The following RGS6 variants were observed in gnomAD, a reference collection of about 807,000 sequenced individuals.
RGS6 encodes the protein regulator of G-protein signaling 6.
In RGS6, 30 loss-of-function variants were observed where a neutral mutation model predicts 78.5. The observed-to-expected ratio is 0.38, with a 90% CI of 0.29 to 0.52. The LOEUF (loss-of-function observed/expected upper bound fraction) is 0.52, where lower values mean the gene tolerates loss of function less well. RGS6 is among the 20% of genes least tolerant of loss of function. The pLI, the probability that RGS6 is intolerant of heterozygous loss-of-function variation, is 0.85. For missense variants in RGS6, 495 were observed against 609.7 expected (o/e 0.81, Z 1.98); for synonymous variants, 206 against 206.0 (o/e 1.00, Z 0.00).
At chr14:72,598,689 C>T in the RGS6 span, among the ~76,000 whole-genome samples, 3 of 152,232 alleles carry the variant, frequency 2.0e-5, no homozygotes, top group African/African-American at 7.2e-5. Flanking sequence ...GAGCTTACAC[C>T]TCCCCAAAGC....
At chr14:72,544,246 G>C (rs2097363320) in intron 17 of RGS6, among the ~76,000 whole-genome samples, 1 of 152,210 alleles carries the variant, frequency 6.6e-6, no homozygotes, top group African/African-American at 2.4e-5. Context: ...GCTCCAATCT[G>C]GGGAGGAGAA....
intron 2 of RGS6, among the ~76,000 whole-genome samples, chr14:72,221,972 C>T (rs949706481): frequency 2.0e-5 from 3 of 152,128 alleles, no homozygotes; most frequent in Non-Finnish European, 2.9e-5. Flanking sequence ...CCACTTCATC[C>T]CTATTGTGAA....
Position 72,217,567 on chromosome 14 carries a change from A to G in RGS6, c.85-134528A>G, listed in dbSNP as rs1030668785. Among the ~76,000 whole-genome samples, 25 of 152,330 alleles carry G rather than the reference A, an allele frequency of 1.6e-4. No individual in the cohort carries two copies. The East Asian group carries it at 4.4e-3, about 27-fold the overall frequency. ...TTTTTTTCTAATTTAAAAAAAAGTA[A>G]CACAATATGGGCTCATTGTAACCAG... On this transcript the variant is annotated intron_variant, in intron 2 of 17. Transcript: ENST00000553525.
intron 2 of RGS6, among the ~76,000 whole-genome samples, chr14:72,261,772 T>C (rs904581267): frequency 2.0e-5 from 3 of 152,194 alleles, no homozygotes; most frequent in Non-Finnish European, 2.9e-5. Flanking sequence ...AAAATTGAAG[T>C]CTTGTAGCCA....
At chr14:72,550,215 CTT>C (rs992995605) in intron 17 of RGS6, among the ~76,000 whole-genome samples, 4 of 152,172 alleles carry the variant, frequency 2.6e-5, no homozygotes, top group Admixed American at 2.6e-4. Context: ...TAATAAGACA[CTT>C]TTTACAGCTA....
chr14:72,527,369 A>C (rs2097131868), intron 15 of RGS6, among the ~76,000 whole-genome samples: 1 of 152,228 alleles, frequency 6.6e-6, no homozygotes, highest in Non-Finnish European at 1.5e-5. Context: ...GCAGCACTTC[A>C]ATGTGAGAAG....
chr14:72,234,692 C>T (rs1427609466), intron 2 of RGS6, among the ~76,000 whole-genome samples: 1 of 152,006 alleles, frequency 6.6e-6, no homozygotes, highest in Non-Finnish European at 1.5e-5. Flanking sequence ...CTCTCAGTCT[C>T]TGCTTGCAGT....
chr14:71,923,383 T>C, the RGS6 span, among the ~76,000 whole-genome samples: 3 of 152,016 alleles, frequency 2.0e-5, no homozygotes. Flanking sequence ...GTAGGGCATG[T>C]CAGAAGTATG....
chr14:72,465,051 G>A (rs2095866652), intron 6 of RGS6, among the ~76,000 whole-genome samples: 1 of 152,182 alleles, frequency 6.6e-6, no homozygotes, highest in South Asian at 2.1e-4. Flanking sequence ...GTAAGAGGTT[G>A]CCAGATAGAG....
At chr14:71,971,181 A>T (rs758236) in intron 2 of RGS6, among the ~76,000 whole-genome samples, 138,509 of 152,220 alleles carry the variant, frequency 0.91, 63,059 homozygotes, top group East Asian at 0.99. Flanking sequence ...TCCACACCCA[A>T]GTTCAACTCC....
intron 15 of RGS6, among the ~76,000 whole-genome samples, chr14:72,523,126 C>A (rs1290098444): frequency 6.6e-6 from 1 of 152,172 alleles, no homozygotes; most frequent in Non-Finnish European, 1.5e-5. Flanking sequence ...AGGTTAAAAT[C>A]CTCAGCAGCC....
intron 2 of RGS6, among the ~76,000 whole-genome samples, chr14:72,331,577 C>A (rs190472414): frequency 2.8e-4 from 42 of 152,290 alleles, no homozygotes; most frequent in Non-Finnish European, 4.7e-4. Context: ...CCTTTGAGAC[C>A]GCAGTTCCAT....
At chr14:72,338,646 G>A (rs566161827) in intron 2 of RGS6, among the ~76,000 whole-genome samples, 1 of 152,334 alleles carries the variant, frequency 6.6e-6, no homozygotes, top group East Asian at 1.9e-4. Context: ...CCTTTTAAGA[G>A]TATCATATAG....
intron 2 of RGS6, among the ~76,000 whole-genome samples, chr14:72,023,878 CAG>C (rs888539359): frequency 4.6e-5 from 7 of 152,136 alleles, no homozygotes; most frequent in African/African-American, 1.4e-4. Flanking sequence ...GGGGATTTCA[CAG>C]AGAGAGGGAG....
chr14:72,135,669 G>A (rs902774605), intron 2 of RGS6, among the ~76,000 whole-genome samples: 4 of 151,318 alleles, frequency 2.6e-5, no homozygotes, highest in African/African-American at 9.7e-5. Context: ...TAACATTTTT[G>A]TGGGGGTGGG....
the RGS6 span, among the ~76,000 whole-genome samples, chr14:71,904,067 T>C: frequency 3.9e-5 from 6 of 152,202 alleles, no homozygotes; most frequent in Non-Finnish European, 8.8e-5. Context: ...AGAAACATTT[T>C]TGTATAATTA....
intron 3 of RGS6, among the ~76,000 whole-genome samples, chr14:72,357,544 G>A (rs2080577686): frequency 6.6e-6 from 1 of 152,200 alleles, no homozygotes; most frequent in South Asian, 2.1e-4. Flanking sequence ...AGGAACTGGA[G>A]CAAAGATAAC....
chr14:71,892,324 A>G, the RGS6 span, among the ~76,000 whole-genome samples: 4 of 152,228 alleles, frequency 2.6e-5, no homozygotes, highest in Non-Finnish European at 4.4e-5. Context: ...CCTCCCAAAA[A>G]CAGATCCTTC....
chr14:72,293,511 C>T (rs1017345348), intron 2 of RGS6, among the ~76,000 whole-genome samples: 1 of 152,082 alleles, frequency 6.6e-6, no homozygotes, highest in Admixed American at 6.5e-5. Context: ...CTTCCTCTCT[C>T]CTCCTTCCTT....
Sources: gnomAD v4.1 joint callset for allele counts (sites outside exome capture counted in the v4.1 genomes callset) on GRCh38, gnomAD v4.1.1 for gene constraint, MANE v1.5 for transcripts, NCBI Gene and HGNC (gene_info 2026-07-23, HGNC 2026-07-21) for gene names.